The following HDAC3 variants were observed in gnomAD, a reference collection of about 807,000 sequenced individuals.
HDAC3 encodes histone deacetylase 3, also known as SMAP45.
A neutral mutation model predicts 62.3 loss-of-function variants in HDAC3; 21 were observed. The observed-to-expected ratio is 0.34, with a 90% CI of 0.24 to 0.49. The LOEUF is 0.49. Ranked by LOEUF, HDAC3 falls within the 20% of genes least tolerant of loss-of-function variation. The pLI is 0.99. For missense variants in HDAC3, 270 were observed against 556.9 expected (o/e 0.48, Z 5.19); for synonymous variants, 198 against 206.5 (o/e 0.96, Z 0.35).
chr5:141,634,718 C>A (rs2099905725), intron 3 of HDAC3, 93 bp downstream of exon 3: 5 of 1,189,188 alleles, frequency 4.2e-6, no homozygotes, highest in Non-Finnish European at 3.6e-6. Flanking sequence ...GACAAGTAGG[C>A]CCCCCTTGAG....
Position 141,628,106 on chromosome 5 carries a change from A to G in HDAC3, c.765+8T>C, listed in dbSNP as rs756771316. On this transcript the variant is annotated splice_region_variant and intron_variant, in intron 9 of 14. Transcript: ENST00000305264. This position sits in a 1 kb window ranked among gnomAD's most constrained non-coding sequence, Gnocchi z 4.7. ...AGAACACTCCTGAGGAGGAACTGAC[A>G]GTATTACCTGGAGCACAATGCACGT... 8.1e-6 allele frequency: 13 copies of G among 1,613,196 alleles called. No homozygotes were observed. In the South Asian group the frequency reaches 1.4e-4, roughly 18 times the overall value.
chr5:141,628,277 GC>G lies in HDAC3; in HGVS notation c.692-91del. On this transcript the variant is annotated intron_variant, in intron 8 of 14. Transcript: ENST00000305264. The surrounding 1 kb of genome is among the most constrained non-coding windows in gnomAD (Gnocchi z 4.7). ...AAAAAGGGGGTTGAGCGAGCATGTA[GC>G]CCAGGAAAGGGGCCACCCAAAAGAA... is the stretch of plus-strand genomic sequence containing the variant. 1 of 1,120,662 alleles carries G rather than the reference GC, an allele frequency of 8.9e-7. No individual in the cohort carries two copies. The highest frequency in any genetic ancestry group is 1.3e-6 in the Non-Finnish European group (1 of 745,190). 69.4% of individuals were successfully genotyped at this position (1,120,662 alleles called of 1,614,324 possible).
chr5:141,627,816 C>A, intron 10 of HDAC3, 77 bp downstream of exon 10: 5 of 1,279,288 alleles, frequency 3.9e-6, no homozygotes, highest in Middle Eastern at 1.8e-4. Flanking sequence ...AGGCCCATTC[C>A]CCAACTACCC....
rs1170172853 is a variant in HDAC3 at position 141,621,161 on chromosome 5, G to A, written c.*307C>T. 8 of 321,332 alleles carry A rather than the reference G, an allele frequency of 2.5e-5. No homozygotes were observed. Among genetic ancestry groups the A allele is most frequent in the South Asian group, 1.5e-4 (5 of 33,382 alleles). The allele number at this position is 321,332 out of a possible 1,614,324, so 19.9% of individuals were successfully genotyped here. A position where few individuals can be genotyped will look rare whatever the true frequency, so the allele number is the denominator to read the frequency against. On this transcript the variant is annotated 3_prime_UTR_variant, in exon 15 of 15. Transcript: ENST00000305264. ...TCATCCCTCAAAAATCTCTGGGTTC[G>A]AGGGAAGCAGGGAAGAAATAAGGGG...
chr5:141,635,227 A>G, intron 2 of HDAC3: 3 of 328,630 alleles, frequency 9.1e-6, no homozygotes, highest in Non-Finnish European at 1.7e-5. Flanking sequence ...TGTTCCTTGG[A>G]ATCTCCTATT....
intron 14 of HDAC3, among the ~76,000 whole-genome samples, chr5:141,624,372 CAAAAAAAAAAAAA>C (rs58610895): frequency 0.073 from 1,613 of 22,176 alleles, 42 homozygotes; most frequent in African/African-American, 0.14. Context: ...CCGTCTCTAC[CAAAAAAAAAAAAA>C]AAAAAAAAAA....
rs2099904396 is a variant in HDAC3 at position 141,626,105 on chromosome 5, C to G, written c.921-34G>C. ...AACCAGCAGAGGGGAGCAGGCTGAC[C>G]AAGTGGGCTGAAGGACCCATGTGGC... On this transcript the variant is annotated intron_variant, in intron 11 of 14. Coordinates refer to ENST00000305264, the MANE Select transcript of HDAC3 (RefSeq NM_003883.4). The surrounding 1 kb of genome is among the most constrained non-coding windows in gnomAD (Gnocchi z 4.6). The G allele has an allele frequency of 6.2e-7, 1 of 1,611,316 alleles. No individual in the cohort carries two copies. The highest frequency in any genetic ancestry group is 1.1e-5 in the South Asian group (1 of 91,032).
Position 141,632,115 on chromosome 5 carries a change from C to T in HDAC3, c.282-1990G>A, listed in dbSNP as rs549088529. Among the ~76,000 whole-genome samples, 30 of 152,312 alleles carry T rather than the reference C, an allele frequency of 2.0e-4. No homozygotes were observed. The South Asian group carries it at 6.2e-3, about 32-fold the overall frequency. On this transcript the variant is annotated intron_variant, in intron 3 of 14. Coordinates refer to ENST00000305264, the MANE Select transcript of HDAC3 (RefSeq NM_003883.4). ...CTCAGGTCACTGCAACCTCCAACTC[C>T]CGGGTTCAAGCAATTCTCCTGCCTC...
rs1182009081 is a variant in HDAC3, at chr5:141,636,482, C to A, written c.138+66G>T. The A allele has an allele frequency of 5.5e-6, 8 of 1,451,104 alleles. No individual in the cohort carries two copies. In the Admixed American group the frequency reaches 1.4e-4, roughly 25 times the overall value. 89.9% of individuals were successfully genotyped at this position (1,451,104 alleles called of 1,614,324 possible). On this transcript the variant is annotated intron_variant, in intron 2 of 14. Coordinates refer to ENST00000305264, the MANE Select transcript of HDAC3 (RefSeq NM_003883.4). ...GTCGCACTTCATGCACTCAGTCCAGCCCACCTATCCCTACGGCCACAGCTC... is the reference window on the plus strand; with the variant it reads ...GTCGCACTTCATGCACTCAGTCCAGACCACCTATCCCTACGGCCACAGCTC...
Position 141,636,568 on chromosome 5 carries a change from C to A in HDAC3, c.118G>T (p.Gly40Cys). 1 of 1,613,992 alleles carries A rather than the reference C, an allele frequency of 6.2e-7. No homozygotes were observed. Among genetic ancestry groups the A allele is most frequent in the Non-Finnish European group, 8.5e-7 (1 of 1,179,936 alleles). The change falls in exon 2 of 15, where the codon GGT becomes TGT. Residue 40 changes from glycine to cysteine, a missense_variant. Physicochemically the swap from Gly to Cys is radical, Grantham distance 159. Transcript: ENST00000305264. ...CTCACGATCATCTTCTTATAGAGAC[C>A]GTAATGCAGGACCAGGCTATGGGTC... The part of the protein sequence containing the change: ...ALTHSLVLHY[G>C]LYKKMIVFKP...
Position 141,625,986 on chromosome 5 carries a change from A to T in HDAC3, c.979+27T>A. The stretch of plus-strand genomic sequence containing the variant: ...ATCTGGTGAGAATGGCCTTCCTGTT[A>T]TGGGGGTGTTGTGGGGTGGTCCTTA... On this transcript the variant is annotated intron_variant, in intron 12 of 14. Coordinates refer to ENST00000305264, the MANE Select transcript of HDAC3 (RefSeq NM_003883.4). This position sits in a 1 kb window ranked among gnomAD's most constrained non-coding sequence, Gnocchi z 4.0. 3 of 1,590,846 alleles carry T rather than the reference A, an allele frequency of 1.9e-6. No individual in the cohort carries two copies. The highest frequency in any genetic ancestry group is 2.6e-6 in the Non-Finnish European group (3 of 1,158,992).
chr5:141,631,309 T>C (rs2735188), intron 3 of HDAC3, among the ~76,000 whole-genome samples: 17,353 of 152,174 alleles, frequency 0.11, 1,085 homozygotes, highest in South Asian at 0.15. Flanking sequence ...TAGGGTTTTA[T>C]AGTTTCTCAA....
rs763874500 is a variant in HDAC3, at chr5:141,625,241, G to A, written c.1184C>T (p.Ala395Val). The A allele has an allele frequency of 1.9e-6, 3 of 1,613,808 alleles. No individual in the cohort carries two copies. Among genetic ancestry groups the A allele is most frequent in the Non-Finnish European group, 2.5e-6 (3 of 1,179,998 alleles). ...LTYDRTDEAD[A>V]EERGPEENYS... Reference sequence around the variant, plus strand: ...GTTCTCCTCAGGACCCCTCTCCTCTGCATCAGCCTCATCAGTCCTGTCATA... The same window carrying A: ...GTTCTCCTCAGGACCCCTCTCCTCTACATCAGCCTCATCAGTCCTGTCATA... The change falls in exon 14 of 15, where the codon GCA (alanine) becomes GTA (valine). Residue 395 changes from alanine (A) to valine (V), a missense_variant. Around this residue, in one of 5 missense-constraint regions of HDAC3, gnomAD observed 44 missense variants for 64.3 expected, o/e 0.68. Transcript: ENST00000305264. The surrounding 1 kb of genome is among the most constrained non-coding windows in gnomAD (Gnocchi z 4.0).
At chr5:141,630,989 A>G (rs1475561038) in intron 3 of HDAC3, among the ~76,000 whole-genome samples, 3 of 151,768 alleles carry the variant, frequency 2.0e-5, no homozygotes, top group Non-Finnish European at 2.9e-5. Flanking sequence ...CGCTGGCCCT[A>G]TACCTTGATA....
chr5:141,626,213 G>A lies in HDAC3; in HGVS notation c.901C>T (p.Arg301Ter). The A allele has an allele frequency of 6.2e-7, 1 of 1,613,968 alleles. No homozygotes were observed. The highest frequency in any genetic ancestry group is 1.1e-5 in the South Asian group (1 of 91,062). The change falls in exon 11 of 15, where the codon CGA becomes TGA. Residue 301 changes from arginine (R) to a stop codon, truncating the protein, a stop_gained. Transcript: ENST00000305264. LOFTEE classifies it high-confidence loss of function. This position sits in a 1 kb window ranked among gnomAD's most constrained non-coding sequence, Gnocchi z 4.6. ...LVLGGGGYTV[R>*]NVARCWTYET... ...GCTCACCAGCAGCGGGCAACATTTC[G>A]GACAGTATAACCACCACCACCCAGC... is the stretch of plus-strand genomic sequence containing the variant.
intron 3 of HDAC3, 53 bp downstream of exon 3, chr5:141,634,758 T>C (rs1475009819): frequency 1.8e-5 from 29 of 1,587,700 alleles, no homozygotes; most frequent in Admixed American, 3.4e-5. Context: ...AAGACCTCAC[T>C]GAAGGGCTTG....
In HDAC3 at chr5:141,629,083, C is replaced by T; in HGVS notation, c.610+90G>A. 7.4e-7 allele frequency: 1 copy of T among 1,353,930 alleles called. No individual in the cohort carries two copies. The highest frequency in any genetic ancestry group is 1.0e-6 in the Non-Finnish European group (1 of 972,432). The allele number at this position is 1,353,930 out of a possible 1,614,324, so 83.9% of individuals were successfully genotyped here. A position where few individuals can be genotyped will look rare whatever the true frequency, so the allele number is the denominator to read the frequency against. ...AGGAAAGGCTTCTCTGAGGAGGGGA[C>T]ACCTGAGATGAGACTAGAAGGCTGA... On this transcript the variant is annotated intron_variant, in intron 7 of 14. Transcript: ENST00000305264. This position sits in a 1 kb window ranked among gnomAD's most constrained non-coding sequence, Gnocchi z 5.3.
At chr5:141,632,897 C>G (rs1428961586) in intron 3 of HDAC3, among the ~76,000 whole-genome samples, 1 of 152,158 alleles carries the variant, frequency 6.6e-6, no homozygotes, top group South Asian at 2.1e-4. Flanking sequence ...ATCCTACAGC[C>G]CTGGCTGCTT....
In HDAC3 at chr5:141,628,177, G is replaced by C; in HGVS notation, c.702C>G (p.His234Gln). ...RDGIDDQSYK[H>Q]LFQPVINQVV... ...CCTGGTTGATAACCGGCTGGAAAAG[G>C]TGCTTGTAACCTGGGAGAGGGCCAA... is the stretch of plus-strand genomic sequence containing the variant. The change falls in exon 9 of 15, where the codon CAC becomes CAG. Residue 234 changes from histidine to glutamine, a missense_variant. Physicochemically the swap from His to Gln is conservative, Grantham distance 24 (BLOSUM62 0). This residue lies in a region of HDAC3 where 156 missense variants were observed against 383.9 expected (regional missense o/e 0.41). Transcript: ENST00000305264. The surrounding 1 kb of genome is among the most constrained non-coding windows in gnomAD (Gnocchi z 4.7). The C allele has an allele frequency of 6.2e-7, 1 of 1,614,142 alleles. No homozygotes were observed. Among genetic ancestry groups the C allele is most frequent in the Non-Finnish European group, 8.5e-7 (1 of 1,180,014 alleles).
Sources: allele counts gnomAD v4.1 joint callset (sites outside exome capture counted in the v4.1 genomes callset), GRCh38; gene constraint gnomAD v4.1.1; regional missense constraint gnomAD v4.1.1; non-coding constraint Gnocchi (gnomAD v3.1); transcripts MANE v1.5; gene names NCBI Gene and HGNC (gene_info 2026-07-23, HGNC 2026-07-21).